The following ATPSCKMT variants were observed in gnomAD, a reference collection of about 807,000 sequenced individuals.
The protein encoded by ATPSCKMT is ATP synthase subunit C lysine N-methyltransferase.
A neutral mutation model predicts 24.3 loss-of-function variants in ATPSCKMT; 24 were observed. The ratio of observed to expected loss-of-function variants is 0.99; its 90% CI spans 0.71 to 1.39. The LOEUF (loss-of-function observed/expected upper bound fraction) is 1.39. Among genes scored for constraint, ATPSCKMT ranks in the 40% most tolerant of loss-of-function variants. ATPSCKMT has a pLI of 0.00. For missense variants in ATPSCKMT, 311 were observed against 298.4 expected (o/e 1.04, Z -0.31); for synonymous variants, 95 against 110.5 (o/e 0.86, Z 0.88).
At chr5:10,243,975 T>G (rs1484970813) in intron 1 of ATPSCKMT, among the ~76,000 whole-genome samples, 1 of 152,254 alleles carries the variant, frequency 6.6e-6, no homozygotes, top group Non-Finnish European at 1.5e-5. Flanking sequence ...CTAAGCTTAA[T>G]AATTTCTAGC....
chr5:10,229,007 C>G (rs1744007701), intron 4 of ATPSCKMT, among the ~76,000 whole-genome samples: 2 of 152,190 alleles, frequency 1.3e-5, no homozygotes, highest in African/African-American at 4.8e-5. Flanking sequence ...TAAACCATTG[C>G]AGAAAAGGTT....
chr5:10,244,909 C>CA (rs60578858), intron 1 of ATPSCKMT, among the ~76,000 whole-genome samples: 1,464 of 137,168 alleles, frequency 0.011, 21 homozygotes, highest in African/African-American at 0.037. Flanking sequence ...CCCTGGTTGT[C>CA]AAAAAAAAAA....
intron 1 of ATPSCKMT, among the ~76,000 whole-genome samples, chr5:10,247,017 T>G (rs1489826935): frequency 6.6e-6 from 1 of 152,014 alleles, no homozygotes; most frequent in African/African-American, 2.4e-5. Flanking sequence ...GAGCACAGAG[T>G]GAGAGACAAA....
At chr5:10,242,224 T>C (rs535863504) in intron 1 of ATPSCKMT, among the ~76,000 whole-genome samples, 75 of 152,318 alleles carry the variant, frequency 4.9e-4, no homozygotes, top group African/African-American at 1.7e-3. Flanking sequence ...TTGATAGCAT[T>C]TTACCCACAG....
chr5:10,249,708 C>T (rs71599524), intron 1 of ATPSCKMT, 150 bp downstream of exon 1: 2 of 1,282,852 alleles, frequency 1.6e-6, no homozygotes, highest in East Asian at 2.5e-5. Context: ...ACCAGGAGCT[C>T]TGGTCACCGA....
chr5:10,249,542 A>T, intron 1 of ATPSCKMT: 1 of 366,020 alleles, frequency 2.7e-6, no homozygotes. Flanking sequence ...AGAGCGGCAG[A>T]ACTGCGATTC....
In ATPSCKMT at chr5:10,227,210, A is replaced by T. The variant is rs1332623746; in HGVS notation, c.*231T>A. On this transcript the variant is annotated 3_prime_UTR_variant, in exon 5 of 5. Transcript: ENST00000511437. ...CCATCACTTATTCATCTTTTCATGCATCCAGGTGCATGGAAAGGCAGTAAG... is the reference window on the plus strand; with the variant it reads ...CCATCACTTATTCATCTTTTCATGCTTCCAGGTGCATGGAAAGGCAGTAAG... 2 of 525,902 alleles carry T rather than the reference A, an allele frequency of 3.8e-6. No individual in the cohort carries two copies. The highest frequency in any genetic ancestry group is 6.8e-6 in the Non-Finnish European group (2 of 293,460). 32.6% of individuals were successfully genotyped at this position (525,902 alleles called of 1,614,324 possible). A position where few individuals can be genotyped will look rare whatever the true frequency, so the allele number is the denominator to read the frequency against.
chr5:10,237,754 C>CTTT (rs34275146), intron 2 of ATPSCKMT, among the ~76,000 whole-genome samples: 1 of 149,656 alleles, frequency 6.7e-6, no homozygotes, highest in Non-Finnish European at 1.5e-5. Flanking sequence ...TAATATATTT[C>CTTT]TTTTTTTTTT....
intron 2 of ATPSCKMT, chr5:10,236,956 T>C (rs1744403626): frequency 7.5e-7 from 1 of 1,326,962 alleles, no homozygotes; most frequent in Non-Finnish European, 9.9e-7. Context: ...CATCTCTCCA[T>C]CAGTGGGCTA....
At chr5:10,235,399 CT>C in intron 3 of ATPSCKMT, 138 bp from the exon 4 acceptor site, 1 of 679,266 alleles carries the variant, frequency 1.5e-6, no homozygotes, top group African/African-American at 1.8e-5. Context: ...AACAGCGGCC[CT>C]CCTTAAGATT....
intron 4 of ATPSCKMT, among the ~76,000 whole-genome samples, chr5:10,231,044 T>G (rs1323621539): frequency 6.6e-6 from 1 of 152,114 alleles, no homozygotes; most frequent in African/African-American, 2.4e-5. Flanking sequence ...AAACTTCACA[T>G]GCCCATGCTG....
chr5:10,236,909 C>T (rs531680174), intron 2 of ATPSCKMT: 13 of 1,382,672 alleles, frequency 9.4e-6, no homozygotes, highest in Admixed American at 2.2e-5. Context: ...AGCCAACCCC[C>T]GGGGAGGTCG....
At chr5:10,237,798 G>C (rs1744441914) in intron 2 of ATPSCKMT, among the ~76,000 whole-genome samples, 1 of 151,988 alleles carries the variant, frequency 6.6e-6, no homozygotes, top group African/African-American at 2.4e-5. Flanking sequence ...CCAGGCTGGA[G>C]TGCAGTGGCG....
rs1036246649 is a variant in ATPSCKMT at position 10,245,139 on chromosome 5, A to G, written c.16+4719T>C. Among the ~76,000 whole-genome samples the G allele has an allele frequency of 2.0e-5, 3 of 152,292 alleles. No homozygotes were observed. In the Middle Eastern group the frequency reaches 0.01, roughly 518 times the overall value. Reference sequence around the variant, plus strand: ...AAATAATTTGTTTAAACACAATTCAAGCTGGGCATGGTGGCTCACGCCTGT... The same window carrying G: ...AAATAATTTGTTTAAACACAATTCAGGCTGGGCATGGTGGCTCACGCCTGT... On this transcript the variant is annotated intron_variant, in intron 1 of 4. Transcript: ENST00000511437.
chr5:10,240,826 T>A (rs1744606027), intron 1 of ATPSCKMT, among the ~76,000 whole-genome samples: 1 of 151,540 alleles, frequency 6.6e-6, no homozygotes, highest in African/African-American at 2.4e-5. Flanking sequence ...AGAAACCCCA[T>A]CTCTACTAAA....
intron 1 of ATPSCKMT, 22 bp downstream of exon 1, chr5:10,249,836 C>T: frequency 6.4e-7 from 1 of 1,566,554 alleles, no homozygotes; most frequent in Non-Finnish European, 8.6e-7. Context: ...CCCAGGAACC[C>T]GCCAAGCCGC....
chr5:10,247,396 A>G (rs1252260528), intron 1 of ATPSCKMT, among the ~76,000 whole-genome samples: 1 of 152,242 alleles, frequency 6.6e-6, no homozygotes, highest in African/African-American at 2.4e-5. Context: ...GCTGGAGTGC[A>G]GTAGCACAAT....
At chr5:10,237,121 A>C (rs1323833837) in intron 2 of ATPSCKMT, 1 of 941,660 alleles carries the variant, frequency 1.1e-6, no homozygotes, top group Non-Finnish European at 1.5e-6. Flanking sequence ...AACAGGTAAA[A>C]GTAAAATGAA....
Position 10,226,749 on chromosome 5 carries a change from T to C in ATPSCKMT, c.*692A>G, listed in dbSNP as rs1743898473. 1 of 152,276 alleles carries C rather than the reference T, an allele frequency of 6.6e-6. No homozygotes were observed. The highest frequency in any genetic ancestry group is 2.1e-4 in the South Asian group (1 of 4,828). 9.4% of individuals were successfully genotyped at this position (152,276 alleles called of 1,614,324 possible). On this transcript the variant is annotated 3_prime_UTR_variant, in exon 5 of 5. Coordinates refer to ENST00000511437, the MANE Select transcript of ATPSCKMT (RefSeq NM_199133.4). ...TTGGTCCCCACTCCACTGTTATGTG[T>C]ACCATTATCCCAGTGGCAGAGATAC... is the stretch of plus-strand genomic sequence containing the variant.
Sources: allele counts gnomAD v4.1 joint callset (sites outside exome capture counted in the v4.1 genomes callset), GRCh38; gene constraint gnomAD v4.1.1; transcripts MANE v1.5; gene names NCBI Gene and HGNC (gene_info 2026-07-23, HGNC 2026-07-21).